The following THSD7B variants were observed in gnomAD, a reference collection of about 807,000 sequenced individuals.
THSD7B encodes the protein thrombospondin type 1 domain containing 7B.
In THSD7B, 138 loss-of-function variants were observed where a neutral mutation model predicts 213.6. That is an observed-to-expected ratio of 0.65 (90% CI 0.56 to 0.74). The LOEUF is 0.74. THSD7B is among the 30% of genes least tolerant of loss of function. THSD7B has a pLI of 0.00. For synonymous variants in THSD7B, 742 were observed against 687.0 expected, an observed-to-expected ratio of 1.08 and a Z score of -1.25; for missense variants, 1,931 against 1,991.5, an observed-to-expected ratio of 0.97 and a Z score of 0.58.
intron 3 of THSD7B, among the ~76,000 whole-genome samples, chr2:137,066,192 T>C (rs2104886389): frequency 7.0e-6 from 1 of 142,572 alleles, no homozygotes; most frequent in South Asian, 2.2e-4. Flanking sequence ...GTTTTCACTT[T>C]TTTTTTTTTT....
chr2:137,016,618 T>C (rs1558888130), intron 2 of THSD7B, among the ~76,000 whole-genome samples: 1 of 152,208 alleles, frequency 6.6e-6, no homozygotes, highest in Non-Finnish European at 1.5e-5. Flanking sequence ...TCATGGGTAT[T>C]ATCATAGTTT....
rs537017216 is a variant in THSD7B, at chr2:137,107,959, A to G, written c.1200-7165A>G. Among the ~76,000 whole-genome samples the G allele has an allele frequency of 1.1e-4, 17 of 152,352 alleles. No homozygotes were observed. In the East Asian group the frequency reaches 2.7e-3, roughly 24 times the overall value. On this transcript the variant is annotated intron_variant, in intron 4 of 27. Transcript: ENST00000409968. ...GTCATCTGTTCAGCAAAAAATGACA[A>G]GTTAATTCTTTTCTAAATGCATTTA...
At chr2:137,402,815 C>CAAAAAAAA (rs34623127) in intron 12 of THSD7B, among the ~76,000 whole-genome samples, 1 of 83,206 alleles carries the variant, frequency 1.2e-5, no homozygotes. Flanking sequence ...AACTCCATCT[C>CAAAAAAAA]AAAAAAAAAA....
intron 1 of THSD7B, among the ~76,000 whole-genome samples, chr2:136,846,771 T>G (rs571561680): frequency 1.3e-5 from 2 of 152,212 alleles, no homozygotes; most frequent in East Asian, 1.9e-4. Context: ...ACTGTATGGG[T>G]TTTACGATAC....
In THSD7B at chr2:137,191,537, T is replaced by G. The variant is rs571891866; in HGVS notation, c.1723+20599T>G. Among the ~76,000 whole-genome samples the G allele has an allele frequency of 7.2e-4, 110 of 152,024 alleles. 1 individual carries two copies. The highest frequency in any genetic ancestry group is 1.2e-3 in the Non-Finnish European group (82 of 67,976). ...GCTTTTCTTACCAGATGTCTGGGTT[T>G]TAGTAAGCTGCATGAGGTTCCTCAA... On this transcript the variant is annotated intron_variant, in intron 7 of 27. Transcript: ENST00000409968.
At chr2:137,290,317 C>T (rs965178958) in intron 12 of THSD7B, among the ~76,000 whole-genome samples, 5 of 152,040 alleles carry the variant, frequency 3.3e-5, no homozygotes, top group Non-Finnish European at 7.4e-5. Flanking sequence ...TCTCGATCTC[C>T]TGACCTCGTG....
chr2:137,195,783 T>C (rs955471242), intron 7 of THSD7B, among the ~76,000 whole-genome samples: 1 of 152,086 alleles, frequency 6.6e-6, no homozygotes, highest in Non-Finnish European at 1.5e-5. Flanking sequence ...GATAATTAAG[T>C]CAGGCAAGAA....
intron 12 of THSD7B, among the ~76,000 whole-genome samples, chr2:137,298,623 G>A (rs565270962): frequency 1.7e-4 from 26 of 152,258 alleles, no homozygotes; most frequent in African/African-American, 4.8e-4. Flanking sequence ...CAGGATCCCT[G>A]TGCTGTGTGC....
intron 1 of THSD7B, among the ~76,000 whole-genome samples, chr2:136,766,099 A>G (rs1289079726): frequency 1.3e-5 from 2 of 152,170 alleles, no homozygotes; most frequent in Non-Finnish European, 2.9e-5. Context: ...CTGCGCGGAG[A>G]GCCTCGGCGC....
chr2:137,186,199 T>TA (rs1232690470), intron 7 of THSD7B, among the ~76,000 whole-genome samples: 1 of 152,204 alleles, frequency 6.6e-6, no homozygotes, highest in Non-Finnish European at 1.5e-5. Flanking sequence ...ACTCCATCGA[T>TA]AGTTTTTCTT....
chr2:137,248,752 G>C (rs1052557665), intron 10 of THSD7B, among the ~76,000 whole-genome samples: 7 of 152,054 alleles, frequency 4.6e-5, no homozygotes, highest in Non-Finnish European at 7.4e-5. Flanking sequence ...TCAAAGCTTT[G>C]AGCCTGGAAC....
chr2:137,441,635 CTAT>C (rs1293175428), intron 14 of THSD7B, among the ~76,000 whole-genome samples: 1 of 151,970 alleles, frequency 6.6e-6, no homozygotes, highest in East Asian at 1.9e-4. Context: ...AGTTAAGGGG[CTAT>C]TATAATAGTT....
chr2:137,600,162 AC>A (rs2104822422), intron 17 of THSD7B, among the ~76,000 whole-genome samples: 1 of 152,226 alleles, frequency 6.6e-6, no homozygotes, highest in Admixed American at 6.5e-5. Flanking sequence ...TATTGTAGAA[AC>A]CAGTTCAGGC....
chr2:136,829,657 T>C (rs1682716884), intron 1 of THSD7B, among the ~76,000 whole-genome samples: 1 of 152,078 alleles, frequency 6.6e-6, no homozygotes, highest in African/African-American at 2.4e-5. Context: ...AAGCACTCAT[T>C]AATAAGATGA....
chr2:137,278,502 C>T (rs1682923904), intron 12 of THSD7B, among the ~76,000 whole-genome samples: 1 of 152,130 alleles, frequency 6.6e-6, no homozygotes. Context: ...CAAAAGCTTA[C>T]CTTCATAGCA....
intron 20 of THSD7B, among the ~76,000 whole-genome samples, chr2:137,632,413 G>A (rs1330471092): frequency 6.6e-6 from 1 of 152,142 alleles, no homozygotes; most frequent in Non-Finnish European, 1.5e-5. Context: ...GGTAATGTGT[G>A]ACTCTGATGG....
intron 1 of THSD7B, among the ~76,000 whole-genome samples, chr2:136,855,776 C>T (rs1683172158): frequency 6.6e-6 from 1 of 151,864 alleles, no homozygotes; most frequent in South Asian, 2.1e-4. Flanking sequence ...CCGGGCTTCC[C>T]TCATTCTTCT....
chr2:137,146,897 C>G (rs1329719709), intron 5 of THSD7B, among the ~76,000 whole-genome samples: 3 of 151,978 alleles, frequency 2.0e-5, no homozygotes, highest in Non-Finnish European at 4.4e-5. Context: ...AGAGATTGGC[C>G]CAGTTCACAG....
chr2:136,810,445 A>G (rs1682355960), intron 1 of THSD7B, among the ~76,000 whole-genome samples: 1 of 152,212 alleles, frequency 6.6e-6, no homozygotes, highest in African/African-American at 2.4e-5. Context: ...CCCAAACTGC[A>G]TCTGGTAGTT....
Sources: allele counts gnomAD v4.1 joint callset (sites outside exome capture counted in the v4.1 genomes callset), GRCh38; gene constraint gnomAD v4.1.1; transcripts MANE v1.5; gene names NCBI Gene and HGNC (gene_info 2026-07-23, HGNC 2026-07-21).